The following C6orf58 variants were observed in gnomAD, a reference collection of about 807,000 sequenced individuals.
C6orf58 encodes protein LEG1 homolog.
Under a neutral mutation model 37.0 loss-of-function variants are expected in C6orf58, and 30 were observed. The observed-to-expected ratio is 0.81, with a 90% CI of 0.61 to 1.10. The LOEUF is 1.10. Ranked by LOEUF, C6orf58 falls within the 50% of genes least tolerant of loss-of-function variation. The probability of loss-of-function intolerance (pLI) is 0.00; values close to 1 mark genes in which losing one functional copy is unlikely to be tolerated. For synonymous variants in C6orf58, 143 were observed against 134.1 expected, an observed-to-expected ratio of 1.07 and a Z score of -0.46; for missense variants, 368 against 387.5, an observed-to-expected ratio of 0.95 and a Z score of 0.42.
At chr6:127,589,932 G>A (rs889112673) in intron 4 of C6orf58, among the ~76,000 whole-genome samples, 155 bp from the exon 5 acceptor site, 2 of 152,010 alleles carry the variant, frequency 1.3e-5, no homozygotes, top group African/African-American at 4.8e-5. Context: ...ACCTCCTGAG[G>A]GATGGAATAA....
chr6:127,588,584 G>A (rs1267789239), intron 4 of C6orf58, among the ~76,000 whole-genome samples: 2 of 152,140 alleles, frequency 1.3e-5, no homozygotes, highest in African/African-American at 4.8e-5. Context: ...ATGTATGCCT[G>A]TGTTTCAACT....
At chr6:127,579,242 A>C (rs1406395676) in intron 2 of C6orf58, among the ~76,000 whole-genome samples, 1 of 152,146 alleles carries the variant, frequency 6.6e-6, no homozygotes, top group Non-Finnish European at 1.5e-5. Context: ...TTAATCATAT[A>C]CTTAATGCTA....
chr6:127,578,695 C>A lies in C6orf58; in HGVS notation c.311C>A (p.Ala104Asp). The change falls in exon 2 of 6, where the codon GCT becomes GAT. Residue 104 changes from alanine to aspartate, a missense_variant. Coordinates refer to ENST00000329722, the MANE Select transcript of C6orf58 (RefSeq NM_001010905.3). ...YGWQYRTGRL[A>D]DPTRRTNCGY... Reference sequence around the variant, plus strand: ...ATCCTCTCTCCTCCAGGCAGATTAGCTGATCCAACCCGAAGGACAAACTGT... The same window carrying A: ...ATCCTCTCTCCTCCAGGCAGATTAGATGATCCAACCCGAAGGACAAACTGT... 6.2e-7 allele frequency: 1 copy of A among 1,612,028 alleles called. No homozygotes were observed. Among genetic ancestry groups the A allele is most frequent in the East Asian group, 2.2e-5 (1 of 44,840 alleles).
intron 3 of C6orf58, 95 bp from the exon 4 acceptor site, chr6:127,581,087 C>A: frequency 2.0e-6 from 1 of 487,842 alleles, no homozygotes; most frequent in Non-Finnish European, 3.5e-6. Flanking sequence ...CTTTTATGTA[C>A]AATATTGCTA....
chr6:127,578,902 G>A (rs1229907358), intron 2 of C6orf58, 130 bp downstream of exon 2: 18 of 672,144 alleles, frequency 2.7e-5, no homozygotes, highest in Admixed American at 1.5e-4. Flanking sequence ...CTATTTCACC[G>A]TGTACCTTAT....
At position 127,590,072 on chromosome 6, in the gene C6orf58, C is replaced by T. The variant is rs766216541; in HGVS notation, c.675-15C>T. 6.4e-7 allele frequency: 1 copy of T among 1,560,182 alleles called. No individual in the cohort carries two copies. The highest frequency in any genetic ancestry group is 8.8e-7 in the Non-Finnish European group (1 of 1,135,466). ...TGACTAATTATAATTAAATACTTTT[C>T]CGTTTGTCTTTTAGATATGATTATT... On this transcript the variant is annotated splice_polypyrimidine_tract_variant and intron_variant, in intron 4 of 5. Coordinates refer to ENST00000329722, the MANE Select transcript of C6orf58 (RefSeq NM_001010905.3).
chr6:127,583,747 T>C (rs1026959711), intron 4 of C6orf58, among the ~76,000 whole-genome samples: 1 of 152,202 alleles, frequency 6.6e-6, no homozygotes, highest in African/African-American at 2.4e-5. Context: ...AAAATCTGGT[T>C]GTTATCAGCT....
chr6:127,589,975 TA>T, intron 4 of C6orf58, 111 bp from the exon 5 acceptor site: 2 of 717,656 alleles, frequency 2.8e-6, no homozygotes, highest in Non-Finnish European at 4.7e-6. Flanking sequence ...TTTTCTAAAT[TA>T]TAAAATTATG....
intron 4 of C6orf58, among the ~76,000 whole-genome samples, chr6:127,582,403 A>G (rs781114598): frequency 6.6e-6 from 1 of 152,164 alleles, no homozygotes; most frequent in Non-Finnish European, 1.5e-5. Flanking sequence ...GTTTTAACCA[A>G]TTGGCTTGTT....
chr6:127,583,611 A>G (rs933121756), intron 4 of C6orf58, among the ~76,000 whole-genome samples: 4 of 152,136 alleles, frequency 2.6e-5, no homozygotes, highest in Non-Finnish European at 5.9e-5. Flanking sequence ...ATGTGGATCC[A>G]AGACTCAAAT....
At chr6:127,581,514 CA>C (rs59422228) in intron 4 of C6orf58, among the ~76,000 whole-genome samples, 30,346 of 140,162 alleles carry the variant, frequency 0.22, 5,215 homozygotes, top group African/African-American at 0.48. Flanking sequence ...CATGAAAAAA[CA>C]AAAAAAAAAG....
chr6:127,578,892 C>A (rs1236195742), intron 2 of C6orf58, 120 bp downstream of exon 2: 2 of 740,512 alleles, frequency 2.7e-6, no homozygotes, highest in Admixed American at 2.2e-5. Context: ...AAAAAGGAAT[C>A]TATTTCACCG....
intron 2 of C6orf58, among the ~76,000 whole-genome samples, chr6:127,579,506 G>A (rs1423902926): frequency 6.6e-6 from 1 of 151,946 alleles, no homozygotes; most frequent in East Asian, 1.9e-4. Flanking sequence ...TTCTTAGATT[G>A]GTTTAGTAGT....
At chr6:127,584,327 A>G (rs906146912) in intron 4 of C6orf58, among the ~76,000 whole-genome samples, 3 of 152,188 alleles carry the variant, frequency 2.0e-5, no homozygotes, top group African/African-American at 4.8e-5. Context: ...ATTAGTGATA[A>G]GGCATTTCAG....
chr6:127,586,235 G>A (rs1420748998), intron 4 of C6orf58, among the ~76,000 whole-genome samples: 1 of 152,168 alleles, frequency 6.6e-6, no homozygotes, highest in African/African-American at 2.4e-5. Flanking sequence ...CAAAGGAAAA[G>A]TCAGGCACAC....
At chr6:127,588,444 G>T (rs1775127763) in intron 4 of C6orf58, among the ~76,000 whole-genome samples, 1 of 152,208 alleles carries the variant, frequency 6.6e-6, no homozygotes, top group African/African-American at 2.4e-5. Flanking sequence ...AACCCTAAAA[G>T]CTCATCAAGT....
chr6:127,580,180 T>A (rs1775033663), intron 2 of C6orf58, 85 bp from the exon 3 acceptor site: 1 of 1,063,888 alleles, frequency 9.4e-7, no homozygotes, highest in Non-Finnish European at 1.4e-6. Context: ...TCTGTGAATT[T>A]TTTTATGACT....
chr6:127,581,505 A>G (rs1775050623), intron 4 of C6orf58, among the ~76,000 whole-genome samples: 3 of 140,824 alleles, frequency 2.1e-5, no homozygotes, highest in African/African-American at 9.3e-5. Flanking sequence ...AAAGCCTTGC[A>G]TGAAAAAACA....
At chr6:127,588,614 T>A (rs1191028588) in intron 4 of C6orf58, among the ~76,000 whole-genome samples, 1 of 152,180 alleles carries the variant, frequency 6.6e-6, no homozygotes. Context: ...TCATTTCAAG[T>A]GTACTTTAAT....
Sources: allele counts gnomAD v4.1 joint callset (sites outside exome capture counted in the v4.1 genomes callset), GRCh38; gene constraint gnomAD v4.1.1; transcripts MANE v1.5; gene names NCBI Gene and HGNC (gene_info 2026-07-23, HGNC 2026-07-21).